The following APBB2 variants were observed in gnomAD, a reference collection of about 807,000 sequenced individuals.
APBB2 encodes amyloid beta precursor protein binding family B member 2, also known as Fe65-like 1.
APBB2 carries 38 observed loss-of-function variants against 82.5 expected under a neutral mutation model. That is an observed-to-expected ratio of 0.46 (90% CI 0.36 to 0.60). The LOEUF (loss-of-function observed/expected upper bound fraction) is 0.60, where lower values mean the gene tolerates loss of function less well. Among genes scored for constraint, APBB2 ranks in the 20% least tolerant of loss-of-function variants. The pLI is 0.00. For synonymous variants in APBB2, 341 were observed against 368.2 expected, an observed-to-expected ratio of 0.93 and a Z score of 0.85; for missense variants, 772 against 972.3, an observed-to-expected ratio of 0.79 and a Z score of 2.74.
intron 11 of APBB2, among the ~76,000 whole-genome samples, chr4:40,891,697 C>T (rs1240290003): frequency 6.6e-6 from 1 of 152,128 alleles, no homozygotes; most frequent in Non-Finnish European, 1.5e-5. Context: ...AGCAGCTAAG[C>T]CATTTACAGA....
intron 4 of APBB2, among the ~76,000 whole-genome samples, chr4:41,034,405 A>G (rs893002425): frequency 2.0e-5 from 3 of 152,086 alleles, no homozygotes; most frequent in East Asian, 1.9e-4. Context: ...GTTCACTGCA[A>G]CCTCCACCTC....
intron 2 of APBB2, among the ~76,000 whole-genome samples, chr4:41,118,797 C>G (rs1751904310): frequency 6.6e-6 from 1 of 152,008 alleles, no homozygotes; most frequent in Non-Finnish European, 1.5e-5. Flanking sequence ...TATTGAGATA[C>G]CCTGTACTAT....
intron 6 of APBB2, among the ~76,000 whole-genome samples, chr4:41,001,262 T>C (rs1398258165): frequency 2.0e-5 from 3 of 152,234 alleles, no homozygotes; most frequent in African/African-American, 4.8e-5. Flanking sequence ...ACACTCTTCA[T>C]GTCTGTTAGA....
At chr4:40,858,681 G>T (rs1238833950) in intron 12 of APBB2, among the ~76,000 whole-genome samples, 1 of 152,138 alleles carries the variant, frequency 6.6e-6, no homozygotes, top group East Asian at 1.9e-4. Context: ...TGAGGATCAG[G>T]TGTTTTCTCA....
chr4:40,944,767 T>C (rs1787916819), intron 7 of APBB2, 98 bp downstream of exon 7: 2 of 1,192,096 alleles, frequency 1.7e-6, no homozygotes, highest in East Asian at 4.7e-5. Flanking sequence ...ATCAAAAAGC[T>C]TACCTTGATG....
chr4:40,930,594 G>A lies in APBB2; in HGVS notation c.1254+3862C>T, dbSNP rs533996907. On this transcript the variant is annotated intron_variant, in intron 10 of 17. Transcript: ENST00000508593. Reference sequence around the variant, plus strand: ...TAGTAGCTGAAGAGGATTTGGAAGTGTCCCCATCCTGACAGTCTAAAAATA... The same window carrying A: ...TAGTAGCTGAAGAGGATTTGGAAGTATCCCCATCCTGACAGTCTAAAAATA... Among the ~76,000 whole-genome samples the A allele has an allele frequency of 3.0e-4, 45 of 152,192 alleles. No individual in the cohort carries two copies. In the East Asian group the frequency reaches 8.7e-3, roughly 29 times the overall value.
intron 6 of APBB2, among the ~76,000 whole-genome samples, chr4:41,003,435 C>G (rs111362284): frequency 3.9e-5 from 6 of 152,116 alleles, no homozygotes; most frequent in African/African-American, 1.4e-4. Context: ...CATATACCCA[C>G]GAAAATTCAT....
chr4:40,876,449 A>G (rs1371994885), intron 12 of APBB2, among the ~76,000 whole-genome samples: 1 of 152,188 alleles, frequency 6.6e-6, no homozygotes, highest in African/African-American at 2.4e-5. Context: ...CATAAATGCA[A>G]TCACACACTA....
chr4:40,881,001 G>T (rs1226684388), intron 12 of APBB2: 48 of 985,236 alleles, frequency 4.9e-5, no homozygotes, highest in Non-Finnish European at 5.8e-5. Context: ...AACTGTTCTT[G>T]GACAATCACT....
intron 6 of APBB2, among the ~76,000 whole-genome samples, chr4:40,988,582 G>A (rs962528283): frequency 8.1e-5 from 11 of 135,466 alleles, no homozygotes; most frequent in African/African-American, 3.1e-4. Flanking sequence ...AGATTGAAGT[G>A]AGCCAAGATC....
At chr4:40,941,111 T>C (rs1323242397) in intron 7 of APBB2, among the ~76,000 whole-genome samples, 1 of 151,888 alleles carries the variant, frequency 6.6e-6, no homozygotes, top group Non-Finnish European at 1.5e-5. Flanking sequence ...TGAAGCCTAG[T>C]CAACAGATTT....
chr4:40,969,638 T>G lies in APBB2; in HGVS notation c.836-24565A>C, dbSNP rs544878730. Among the ~76,000 whole-genome samples the G allele has an allele frequency of 2.0e-5, 3 of 152,326 alleles. No homozygotes were observed. The South Asian group carries it at 6.2e-4, about 32-fold the overall frequency. The stretch of plus-strand genomic sequence containing the variant: ...TTTGCTATCAATATAAATCAGTGAT[T>G]AAAAACCCAGTCCCTGGATGTTTTA... On this transcript the variant is annotated intron_variant, in intron 6 of 17. Transcript: ENST00000508593.
At chr4:41,145,053 G>A (rs549915475) in intron 1 of APBB2, among the ~76,000 whole-genome samples, 85 of 152,324 alleles carry the variant, frequency 5.6e-4, no homozygotes, top group African/African-American at 1.9e-3. Context: ...CTGGGAAGTC[G>A]GGGCTGCAGT....
chr4:40,998,136 A>C (rs1049170134), intron 6 of APBB2, among the ~76,000 whole-genome samples: 1 of 152,254 alleles, frequency 6.6e-6, no homozygotes, highest in Non-Finnish European at 1.5e-5. Flanking sequence ...GCTTTTAAGC[A>C]AAAATCAGAA....
At chr4:41,069,441 A>C (rs1349350428) in intron 3 of APBB2, among the ~76,000 whole-genome samples, 1 of 152,214 alleles carries the variant, frequency 6.6e-6, no homozygotes, top group Non-Finnish European at 1.5e-5. Context: ...AGCAGCTTTT[A>C]TGTTCCCCAG....
intron 12 of APBB2, among the ~76,000 whole-genome samples, chr4:40,857,384 T>C (rs966878609): frequency 6.6e-6 from 1 of 152,252 alleles, no homozygotes; most frequent in African/African-American, 2.4e-5. Flanking sequence ...CGTTTCCTTT[T>C]TGGACTCTCA....
chr4:40,921,969 C>T (rs918244372), intron 10 of APBB2, among the ~76,000 whole-genome samples: 2 of 152,090 alleles, frequency 1.3e-5, no homozygotes, highest in African/African-American at 4.8e-5. Context: ...CATCATGGAT[C>T]GAAAGGGACA....
At chr4:40,933,164 G>A (rs756338389) in intron 10 of APBB2, among the ~76,000 whole-genome samples, 7 of 152,200 alleles carry the variant, frequency 4.6e-5, no homozygotes, top group African/African-American at 7.2e-5. Context: ...ACATCTGGCC[G>A]TTAATGTGTT....
At chr4:41,075,380 G>A (rs1436837186) in intron 3 of APBB2, among the ~76,000 whole-genome samples, 2 of 152,138 alleles carry the variant, frequency 1.3e-5, no homozygotes, top group East Asian at 1.9e-4. Context: ...GATAATACTC[G>A]GCCTTGATTC....
Sources: gnomAD v4.1 joint callset for allele counts (sites outside exome capture counted in the v4.1 genomes callset) on GRCh38, gnomAD v4.1.1 for gene constraint, MANE v1.5 for transcripts, NCBI Gene and HGNC (gene_info 2026-07-23, HGNC 2026-07-21) for gene names.